The following USP9X variants were observed in gnomAD, a reference collection of about 807,000 sequenced individuals.
USP9X encodes ubiquitin carboxyl-terminal hydrolase 9X.
Under a neutral mutation model 190.3 loss-of-function variants are expected in USP9X, and 7 were observed. That is an observed-to-expected ratio of 0.04 (90% CI 0.02 to 0.07). The LOEUF (loss-of-function observed/expected upper bound fraction) is 0.07. Among genes scored for constraint, USP9X ranks in the 10% least tolerant of loss-of-function variants. USP9X has a pLI of 1.00. For missense variants in USP9X, 1,010 were observed against 1,916.9 expected (o/e 0.53, Z 8.83); for synonymous variants, 645 against 659.5 (o/e 0.98, Z 0.34).
At chrX:41,216,766 G>A in intron 35 of USP9X, 114 bp downstream of exon 35, 1 of 900,794 alleles carries the variant, frequency 1.1e-6, no homozygotes. Flanking sequence ...TAATTTGCTG[G>A]GTGTGGTGGT....
chrX:41,123,327 A>G, intron 1 of USP9X, 144 bp from the exon 2 acceptor site: 1 of 250,927 alleles, frequency 4.0e-6, no homozygotes, highest in South Asian at 5.7e-5. Context: ...AGTATTAATG[A>G]AACTTCAGCT....
chrX:41,137,448 A>G (rs1405980965), intron 6 of USP9X, among the ~76,000 whole-genome samples: 2 of 111,971 alleles, frequency 1.8e-5, no homozygotes, highest in Non-Finnish European at 3.8e-5. Flanking sequence ...AAATCAATAT[A>G]GTAAATCTTC....
intron 39 of USP9X, 72 bp from the exon 40 acceptor site, chrX:41,224,670 A>T: frequency 5.5e-6 from 5 of 906,241 alleles, no homozygotes; most frequent in South Asian, 2.4e-5. Context: ...GCTATTTTCT[A>T]TCGTGAAAGT....
intron 35 of USP9X, 148 bp downstream of exon 35, chrX:41,216,800 T>C: frequency 1.5e-6 from 1 of 684,608 alleles, no homozygotes; most frequent in Non-Finnish European, 2.1e-6. Flanking sequence ...CCCAGCACTT[T>C]GGGAGGCCGA....
In USP9X at chrX:41,150,944, A is replaced by G; in HGVS notation, c.1650A>G (p.Gln550=). ...CSQDRDTQKI[Q]WIDRFIEELR... ...AGGACCGTGATACACAAAAGATCCA[A>G]TGGATAGATCGCTTTATAGAAGAAC... Residue 550 remains glutamine (Q), a synonymous_variant, in exon 13 of 45, where the codon CAA becomes CAG. Transcript: ENST00000378308. 1.7e-6 allele frequency: 2 copies of G among 1,207,437 alleles called. No homozygotes were observed. The highest frequency in any genetic ancestry group is 2.2e-6 in the Non-Finnish European group (2 of 893,530).
chrX:41,197,352 C>CCCCCCGGG lies in USP9X; in HGVS notation c.4234-12_4234-11insCCCCCGGG. Reference sequence around the variant, plus strand: ...TTCTTCCCCCCCCCACCCCACCCCCCGCCTTTGGCAGGATGATGTTAAAAG... The same window carrying CCCCCCGGG: ...TTCTTCCCCCCCCCACCCCACCCCCCCCCCCGGGGCCTTTGGCAGGATGATGTTAAAAG... On this transcript the variant is annotated splice_polypyrimidine_tract_variant and intron_variant, in intron 28 of 44. Coordinates refer to ENST00000378308, the MANE Select transcript of USP9X (RefSeq NM_001039591.3). 5.6e-5 allele frequency: 55 copies of CCCCCCGGG among 987,390 alleles called. No homozygotes were observed. Among genetic ancestry groups the CCCCCCGGG allele is most frequent in the Non-Finnish European group, 6.9e-5 (52 of 758,630 alleles). The allele number at this position is 987,390 out of a possible 1,213,427, so 81.4% of individuals were successfully genotyped here.
chrX:41,088,660 T>C (rs917428453), intron 1 of USP9X, among the ~76,000 whole-genome samples: 6 of 111,736 alleles, frequency 5.4e-5, no homozygotes, highest in African/African-American at 2.0e-4. Flanking sequence ...TATCCTGAGA[T>C]TGAGTTAGTT....
intron 1 of USP9X, among the ~76,000 whole-genome samples, chrX:41,105,059 T>C (rs2062059990): frequency 9.1e-6 from 1 of 110,496 alleles, no homozygotes; most frequent in African/African-American, 3.3e-5. Context: ...ACAATAAATA[T>C]AGGACTTGAA....
chrX:41,222,918 A>G (rs2063277515), intron 38 of USP9X, among the ~76,000 whole-genome samples: 2 of 111,737 alleles, frequency 1.8e-5, no homozygotes, highest in African/African-American at 6.5e-5. Flanking sequence ...CAAAAAAGAA[A>G]GAAAGTGTTC....
chrX:41,187,829 C>CTT (rs371008986), intron 24 of USP9X, among the ~76,000 whole-genome samples, 163 bp from the exon 25 acceptor site: 37 of 91,620 alleles, frequency 4.0e-4, no homozygotes, highest in African/African-American at 1.3e-3. Context: ...CCGCCCCCAC[C>CTT]TTTTTTTTTT....
chrX:41,203,166 C>T (rs1276534665), intron 31 of USP9X, among the ~76,000 whole-genome samples: 1 of 110,612 alleles, frequency 9.0e-6, no homozygotes, highest in Non-Finnish European at 1.9e-5. Flanking sequence ...TACACCACTA[C>T]TTCTGTTGTT....
intron 32 of USP9X, among the ~76,000 whole-genome samples, chrX:41,205,907 T>TTTTA (rs2063090277): frequency 9.6e-6 from 1 of 104,394 alleles, no homozygotes; most frequent in Admixed American, 1.1e-4. Flanking sequence ...TTTTTTTTTT[T>TTTTA]GAGATGGAGT....
chrX:41,125,634 C>T (rs2062232221), intron 2 of USP9X, among the ~76,000 whole-genome samples: 1 of 80,060 alleles, frequency 1.2e-5, no homozygotes, highest in African/African-American at 4.2e-5. Flanking sequence ...CCCCCACACC[C>T]CTCCCGCCAA....
At chrX:41,166,433 A>G (rs755415144) in intron 16 of USP9X, among the ~76,000 whole-genome samples, 92 of 111,239 alleles carry the variant, frequency 8.3e-4, no homozygotes, top group African/African-American at 2.9e-3. Flanking sequence ...CTTTTGTCTT[A>G]GCTTAGTATC....
chrX:41,152,661 T>G (rs986085657), intron 13 of USP9X, among the ~76,000 whole-genome samples: 2 of 112,091 alleles, frequency 1.8e-5, no homozygotes, highest in African/African-American at 6.5e-5. Flanking sequence ...ATAACATAAG[T>G]GCTTTGGTAC....
At chrX:41,231,670 T>TG (rs967855261) in intron 44 of USP9X, among the ~76,000 whole-genome samples, 1 of 101,386 alleles carries the variant, frequency 9.9e-6, no homozygotes, top group African/African-American at 3.7e-5. Context: ...GCAGAGGTGG[T>TG]GGTGAGTCGA....
intron 6 of USP9X, among the ~76,000 whole-genome samples, chrX:41,138,361 G>A (rs1159606172): frequency 8.9e-6 from 1 of 111,889 alleles, no homozygotes; most frequent in Non-Finnish European, 1.9e-5. Flanking sequence ...TCCAAAAGTG[G>A]TAGTGGCAAA....
chrX:41,147,974 C>T (rs2062485827), intron 11 of USP9X, among the ~76,000 whole-genome samples: 1 of 110,890 alleles, frequency 9.0e-6, no homozygotes, highest in African/African-American at 3.3e-5. Context: ...GACATTCGAA[C>T]CATAGCAGTA....
At chrX:41,199,271 T>A (rs2063018878) in intron 30 of USP9X, among the ~76,000 whole-genome samples, 1 of 112,629 alleles carries the variant, frequency 8.9e-6, no homozygotes, top group African/African-American at 3.2e-5. Context: ...TTCAAACATT[T>A]GTTAAGTGGC....
Sources: gnomAD v4.1 joint callset for allele counts (sites outside exome capture counted in the v4.1 genomes callset) on GRCh38, gnomAD v4.1.1 for gene constraint, MANE v1.5 for transcripts, NCBI Gene and HGNC (gene_info 2026-07-23, HGNC 2026-07-21) for gene names.